The following ANO3 variants were observed in gnomAD, a reference collection of about 807,000 sequenced individuals.
ANO3 encodes the protein anoctamin 3, also known as anoctamin-3.
Under a neutral mutation model 144.8 loss-of-function variants are expected in ANO3, and 99 were observed. That is an observed-to-expected ratio of 0.68 (90% CI 0.58 to 0.81). The LOEUF is 0.81. Ranked by LOEUF, ANO3 falls within the 30% of genes least tolerant of loss-of-function variation. ANO3 has a pLI of 0.00. For missense variants in ANO3, 905 were observed against 1,202.2 expected (o/e 0.75, Z 3.66); for synonymous variants, 414 against 392.6 (o/e 1.05, Z -0.64).
intron 4 of ANO3, among the ~76,000 whole-genome samples, chr11:26,473,401 A>G (rs1014446748): frequency 6.6e-6 from 1 of 152,086 alleles, no homozygotes; most frequent in East Asian, 1.9e-4. Flanking sequence ...GATTACAATC[A>G]TATCATTATG....
chr11:26,378,282 T>A (rs1272060361), intron 1 of ANO3, among the ~76,000 whole-genome samples: 12 of 150,176 alleles, frequency 8.0e-5, no homozygotes, highest in Non-Finnish European at 1.8e-4. Context: ...GAGTTACTGA[T>A]TTAGACTCTC....
intron 1 of ANO3, among the ~76,000 whole-genome samples, chr11:26,376,475 C>G (rs531878825): frequency 6.6e-6 from 1 of 152,102 alleles, no homozygotes; most frequent in East Asian, 1.9e-4. Context: ...TCATTTACCT[C>G]AGTTCATAAA....
intron 1 of ANO3, among the ~76,000 whole-genome samples, chr11:26,301,716 T>C (rs1854237222): frequency 6.6e-6 from 1 of 152,170 alleles, no homozygotes; most frequent in Non-Finnish European, 1.5e-5. Flanking sequence ...ATACCTACAG[T>C]TGCAAAAACC....
chr11:26,413,759 A>G (rs1049854135), intron 1 of ANO3, among the ~76,000 whole-genome samples: 1 of 152,028 alleles, frequency 6.6e-6, no homozygotes, highest in African/African-American at 2.4e-5. Context: ...AAACAGAACA[A>G]AGGGATTCAT....
Position 26,529,157 on chromosome 11 carries a change from TATATATAATATATA to T in ANO3, c.738-2047_738-2034del, listed in dbSNP as rs1380959019. ...ATATATATTATATAATAATATATAT[TATATATAATATATA>T]TTATTAATAATATATATTATATATA... On this transcript the variant is annotated intron_variant, in intron 7 of 26. Coordinates refer to ENST00000256737, the MANE Select transcript of ANO3 (RefSeq NM_031418.4). Among the ~76,000 whole-genome samples, 34 of 5,922 alleles carry T rather than the reference TATATATAATATATA, an allele frequency of 5.7e-3. 11 individuals carry two copies. Among genetic ancestry groups the T allele is most frequent in the East Asian group, 0.17 (2 of 12 alleles). 3.9% of individuals were successfully genotyped at this position (5,922 alleles called of 152,430 possible).
chr11:26,233,159 G>A (rs193232032), intron 1 of ANO3, among the ~76,000 whole-genome samples: 1 of 151,592 alleles, frequency 6.6e-6, no homozygotes, highest in African/African-American at 2.4e-5. Flanking sequence ...AGAGCTTGCA[G>A]TGAGCCGAGA....
chr11:26,447,392 C>A (rs1460733663), intron 3 of ANO3, among the ~76,000 whole-genome samples: 2 of 151,922 alleles, frequency 1.3e-5, no homozygotes, highest in African/African-American at 4.8e-5. Context: ...GCTTATTCAC[C>A]AAGAGAGAAA....
chr11:26,511,845 A>G (rs1861677128), intron 5 of ANO3, among the ~76,000 whole-genome samples: 1 of 152,210 alleles, frequency 6.6e-6, no homozygotes, highest in Non-Finnish European at 1.5e-5. Flanking sequence ...CCACCACAGC[A>G]TAGATCAATT....
At chr11:26,603,809 A>G (rs1045290784) in intron 17 of ANO3, among the ~76,000 whole-genome samples, 2 of 152,120 alleles carry the variant, frequency 1.3e-5, no homozygotes, top group Non-Finnish European at 2.9e-5. Context: ...TTGTTCACCT[A>G]GTATATTTAT....
intron 1 of ANO3, among the ~76,000 whole-genome samples, chr11:26,319,875 G>A (rs904135498): frequency 2.0e-5 from 3 of 151,840 alleles, no homozygotes; most frequent in African/African-American, 7.3e-5. Context: ...GTACAATCAA[G>A]GCAGCAGAAT....
intron 1 of ANO3, among the ~76,000 whole-genome samples, chr11:26,397,092 T>C (rs911421775): frequency 1.3e-5 from 2 of 151,980 alleles, no homozygotes; most frequent in Non-Finnish European, 2.9e-5. Flanking sequence ...CCTCAGTTCA[T>C]AGGACATTTA....
At chr11:26,288,873 T>A (rs1366455860) in intron 1 of ANO3, among the ~76,000 whole-genome samples, 2 of 152,078 alleles carry the variant, frequency 1.3e-5, no homozygotes, top group East Asian at 3.9e-4. Flanking sequence ...GAAGCTACAA[T>A]AGGTGGATAA....
At chr11:26,451,061 A>C (rs1209305451) in intron 3 of ANO3, among the ~76,000 whole-genome samples, 2 of 152,200 alleles carry the variant, frequency 1.3e-5, no homozygotes, top group African/African-American at 4.8e-5. Flanking sequence ...TTTCAACATA[A>C]AGCATACAAT....
At chr11:26,647,023 C>CCTA (rs1312016758) in intron 23 of ANO3, among the ~76,000 whole-genome samples, 1 of 152,068 alleles carries the variant, frequency 6.6e-6, no homozygotes, top group Non-Finnish European at 1.5e-5. Flanking sequence ...ACATAATCAC[C>CCTA]TTTAGTGCTG....
rs534939546 is a variant in ANO3, at chr11:26,441,592, A to G, written c.47-326A>G. 3.3e-5 allele frequency among the ~76,000 whole-genome samples: 5 copies of G among 152,328 alleles called. No individual in the cohort carries two copies. In the East Asian group the frequency reaches 9.7e-4, roughly 29 times the overall value. On this transcript the variant is annotated intron_variant, in intron 1 of 26. Transcript: ENST00000256737. ...TTTGCTATTTGAAAGCCTAAATCAT[A>G]AGGTTTATTCAAAGAGTATCCAAAT...
At chr11:26,310,341 A>G (rs1331173916) in intron 1 of ANO3, among the ~76,000 whole-genome samples, 4 of 152,234 alleles carry the variant, frequency 2.6e-5, no homozygotes, top group Non-Finnish European at 4.4e-5. Context: ...TTATTGGTTA[A>G]CTGAGTTAAT....
At chr11:26,249,900 G>T (rs983579643) in intron 1 of ANO3, among the ~76,000 whole-genome samples, 2 of 152,054 alleles carry the variant, frequency 1.3e-5, no homozygotes, top group African/African-American at 4.8e-5. Context: ...ACTGTCGCAG[G>T]GATCTAGATT....
chr11:26,406,559 T>C lies in ANO3; in HGVS notation c.47-35359T>C, dbSNP rs1433790045. On this transcript the variant is annotated intron_variant, in intron 1 of 26. Coordinates refer to ENST00000256737, the MANE Select transcript of ANO3 (RefSeq NM_031418.4). ...AGTTTGCAGTTCATATGGATCTACC[T>C]CTCACATAGGCAAAATAGGACTGCA... Among the ~76,000 whole-genome samples the C allele has an allele frequency of 2.0e-5, 3 of 151,792 alleles. No homozygotes were observed. The Admixed American group carries it at 2.0e-4, about 10-fold the overall frequency.
chr11:26,487,930 G>A (rs1323438861), intron 4 of ANO3, among the ~76,000 whole-genome samples: 1 of 152,184 alleles, frequency 6.6e-6, no homozygotes, highest in Non-Finnish European at 1.5e-5. Flanking sequence ...TACTTTGGGA[G>A]GCCGAGGTGG....
Sources: allele counts gnomAD v4.1 joint callset (sites outside exome capture counted in the v4.1 genomes callset), GRCh38; gene constraint gnomAD v4.1.1; transcripts MANE v1.5; gene names NCBI Gene and HGNC (gene_info 2026-07-23, HGNC 2026-07-21).